THEMIS: variants seen among roughly 807,000 people sequenced by gnomAD.
THEMIS encodes the protein protein THEMIS.
THEMIS carries 37 observed loss-of-function variants against 52.6 expected under a neutral mutation model. The ratio of observed to expected loss-of-function variants is 0.70; its 90% CI spans 0.54 to 0.93. THEMIS has a LOEUF of 0.93. Among genes scored for constraint, THEMIS ranks in the 40% least tolerant of loss-of-function variants. The pLI is 0.00. For synonymous variants in THEMIS, 292 were observed against 272.7 expected (o/e 1.07, Z -0.70); for missense variants, 808 against 763.1 (o/e 1.06, Z -0.69).
At chr6:127,798,849 G>A (rs977794746) in intron 4 of THEMIS, among the ~76,000 whole-genome samples, 1 of 151,864 alleles carries the variant, frequency 6.6e-6, no homozygotes, top group African/African-American at 2.4e-5. Flanking sequence ...AAAATTAGCT[G>A]GGCGTGGTGG....
At chr6:127,910,239 G>A (rs1293626528) in intron 1 of THEMIS, among the ~76,000 whole-genome samples, 1 of 152,046 alleles carries the variant, frequency 6.6e-6, no homozygotes, top group Non-Finnish European at 1.5e-5. Context: ...TCATAGTTCA[G>A]ACTACCTTCT....
chr6:127,841,802 T>C (rs1779057483), intron 2 of THEMIS, among the ~76,000 whole-genome samples: 1 of 152,066 alleles, frequency 6.6e-6, no homozygotes, highest in Non-Finnish European at 1.5e-5. Flanking sequence ...ATTCACATTT[T>C]CTTGCATAGT....
At chr6:127,865,162 C>T (rs1390652368) in intron 1 of THEMIS, among the ~76,000 whole-genome samples, 1 of 152,094 alleles carries the variant, frequency 6.6e-6, no homozygotes, top group Non-Finnish European at 1.5e-5. Flanking sequence ...AGGTCAAACT[C>T]ATACAGTGTG....
chr6:127,842,284 A>G (rs1779075616), intron 2 of THEMIS, among the ~76,000 whole-genome samples: 1 of 152,034 alleles, frequency 6.6e-6, no homozygotes, highest in Non-Finnish European at 1.5e-5. Context: ...TGAATGTAAT[A>G]CATATTTTCT....
At chr6:127,811,688 ACATTTCATTTCT>A (rs1043675636) in intron 4 of THEMIS, among the ~76,000 whole-genome samples, 61 of 152,244 alleles carry the variant, frequency 4.0e-4, no homozygotes, top group Admixed American at 1.2e-3. Flanking sequence ...CACAAAGAAG[ACATTTCATTTCT>A]CATTTCATTT....
rs1007253187 is a variant in THEMIS at position 127,848,465 on chromosome 6, G to A, written c.250+6565C>T. ...AGTAATGAGATGGCTGGGTCAAATGGTATTTCTAGTTCTAGATCCCTGAAG... is the reference window on the plus strand; with the variant it reads ...AGTAATGAGATGGCTGGGTCAAATGATATTTCTAGTTCTAGATCCCTGAAG... On this transcript the variant is annotated intron_variant, in intron 2 of 5. Transcript: ENST00000368248. 5.3e-5 allele frequency among the ~76,000 whole-genome samples: 8 copies of A among 151,854 alleles called. 1 individual carries two copies. Among genetic ancestry groups the A allele is most frequent in the Non-Finnish European group, 1.0e-4 (7 of 67,850 alleles).
Position 127,782,739 on chromosome 6 carries a change from A to G in THEMIS, c.1758+30144T>C, listed in dbSNP as rs377377525. ...GGAGCTGTAGACTTGAGCTGTTCCTATTTGGCCATACTCCACCTCCTCTTC... is the reference window on the plus strand; with the variant it reads ...GGAGCTGTAGACTTGAGCTGTTCCTGTTTGGCCATACTCCACCTCCTCTTC... On this transcript the variant is annotated intron_variant, in intron 4 of 5. Transcript: ENST00000368248. Among the ~76,000 whole-genome samples, 35 of 151,960 alleles carry G rather than the reference A, an allele frequency of 2.3e-4. 1 individual carries two copies. The East Asian group carries it at 6.6e-3, about 29-fold the overall frequency.
chr6:127,813,493 A>T lies in THEMIS; in HGVS notation c.1148T>A (p.Val383Glu). The change falls in exon 4 of 6, where the codon GTA (valine) becomes GAA (glutamate). Residue 383 changes from valine to glutamate, a missense_variant. Transcript: ENST00000368248. ...CACCAGAAACTGGTCCCCAACAGAT[A>T]CGGATGACAGCTTGTCATGAGGGGA... ...FHSPHDKLSS[V>E]SVGDQFLVHQ... The T allele has an allele frequency of 1.2e-6, 2 of 1,614,004 alleles. No individual in the cohort carries two copies. The highest frequency in any genetic ancestry group is 2.2e-5 in the South Asian group (2 of 91,058).
In THEMIS at chr6:127,832,777, C is replaced by CTTTTTTTTTTTTTTTTTTTTTT. The variant is rs11355741; in HGVS notation, c.251-2865_251-2844dup. On this transcript the variant is annotated intron_variant, in intron 2 of 5. Transcript: ENST00000368248. ...CTATTTCCACCTAGGATTGTCAGAT[C>CTTTTTTTTTTTTTTTTTTTTTT]TTTTTTTTTTTTTTTTTTTTTTTTG... 4.8e-4 allele frequency among the ~76,000 whole-genome samples: 28 copies of CTTTTTTTTTTTTTTTTTTTTTT among 57,802 alleles called. 9 individuals are homozygous for CTTTTTTTTTTTTTTTTTTTTTT. The highest frequency in any genetic ancestry group is 1.9e-3 in the African/African-American group (25 of 13,096). 37.9% of individuals were successfully genotyped at this position (57,802 alleles called of 152,430 possible).
intron 4 of THEMIS, among the ~76,000 whole-genome samples, chr6:127,787,826 GATAGATAGATAGAGATAGACAGAT>G (rs1170706813): frequency 1.8e-4 from 26 of 141,206 alleles, no homozygotes; most frequent in East Asian, 1.5e-3. Flanking sequence ...TAGATAGATA[GATAGATAGATAGAGATAGACAGAT>G]ATAGATAGAT....
intron 5 of THEMIS, among the ~76,000 whole-genome samples, chr6:127,710,973 TCCTC>T (rs1177373400): frequency 1.8e-3 from 216 of 119,540 alleles, no homozygotes; most frequent in African/African-American, 4.9e-3. Flanking sequence ...CTTCTTTCCT[TCCTC>T]CCTCCCTCCC....
intron 4 of THEMIS, among the ~76,000 whole-genome samples, chr6:127,797,791 G>A (rs949348319): frequency 4.6e-5 from 7 of 152,178 alleles, no homozygotes; most frequent in Non-Finnish European, 1.5e-5. Context: ...TTTATCTGAG[G>A]TGAAAGAAAA....
At chr6:127,753,044 A>G (rs1414225633) in intron 4 of THEMIS, among the ~76,000 whole-genome samples, 1 of 151,966 alleles carries the variant, frequency 6.6e-6, no homozygotes, top group Non-Finnish European at 1.5e-5. Flanking sequence ...CACCACATTA[A>G]TGGAATGATG....
intron 1 of THEMIS, among the ~76,000 whole-genome samples, chr6:127,878,902 C>A (rs1343516808): frequency 6.6e-6 from 1 of 152,130 alleles, no homozygotes; most frequent in African/African-American, 2.4e-5. Flanking sequence ...AGATGAATGG[C>A]ATCTATCAGT....
chr6:127,754,529 A>T (rs779866890), intron 4 of THEMIS, among the ~76,000 whole-genome samples: 1 of 152,136 alleles, frequency 6.6e-6, no homozygotes, highest in African/African-American at 2.4e-5. Flanking sequence ...AACTCAGCAA[A>T]ATGCTTCTTT....
At chr6:127,763,671 C>G (rs1776098355) in intron 4 of THEMIS, among the ~76,000 whole-genome samples, 2 of 151,854 alleles carry the variant, frequency 1.3e-5, no homozygotes, top group African/African-American at 4.8e-5. Context: ...TATAAAACTA[C>G]ATTGACCAGG....
chr6:127,856,993 A>G (rs1192772080), intron 1 of THEMIS, among the ~76,000 whole-genome samples: 1 of 151,926 alleles, frequency 6.6e-6, no homozygotes. Context: ...TTTAAACTTC[A>G]TGAGAAGAAA....
At chr6:127,874,771 A>G (rs1250034654) in intron 1 of THEMIS, among the ~76,000 whole-genome samples, 1 of 152,258 alleles carries the variant, frequency 6.6e-6, no homozygotes, top group Non-Finnish European at 1.5e-5. Flanking sequence ...ATGTGATGAT[A>G]TAAATATTTT....
chr6:127,808,438 G>T (rs1032514425), intron 4 of THEMIS, among the ~76,000 whole-genome samples: 2 of 152,080 alleles, frequency 1.3e-5, no homozygotes, highest in African/African-American at 4.8e-5. Context: ...TTCAGGCCCA[G>T]CTTCATTTAT....
Sources: allele counts gnomAD v4.1 joint callset (sites outside exome capture counted in the v4.1 genomes callset), GRCh38; gene constraint gnomAD v4.1.1; transcripts MANE v1.5; gene names NCBI Gene and HGNC (gene_info 2026-07-23, HGNC 2026-07-21).